Variants in ANGPTL4 observed in about 807,000 individuals in gnomAD.
ANGPTL4 encodes angiopoietin-related protein 4.
A neutral mutation model predicts 39.2 loss-of-function variants in ANGPTL4; 39 were observed. That is an observed-to-expected ratio of 1.00 (90% CI 0.77 to 1.30). ANGPTL4 has a LOEUF of 1.30. Among genes scored for constraint, ANGPTL4 ranks in the 50% most tolerant of loss-of-function variants. The probability of loss-of-function intolerance (pLI) is 0.00; values close to 1 mark genes in which losing one functional copy is unlikely to be tolerated. For missense variants in ANGPTL4, 545 were observed against 549.8 expected (o/e 0.99, Z 0.09); for synonymous variants, 233 against 229.5 (o/e 1.02, Z -0.14).
Position 8,371,265 on chromosome 19 carries a change from A to G in ANGPTL4, c.782A>G (p.Lys261Arg), listed in dbSNP as rs2145482683. 6.2e-7 allele frequency: 1 copy of G among 1,614,034 alleles called. No individual in the cohort carries two copies. The highest frequency in any genetic ancestry group is 2.2e-5 in the East Asian group (1 of 44,874). The change falls in exon 6 of 7, where the codon AAG (lysine) becomes AGG (arginine). Residue 261 changes from lysine to arginine, a missense_variant. Physicochemically the swap from Lys to Arg is conservative, Grantham distance 26. Coordinates refer to ENST00000301455, the MANE Select transcript of ANGPTL4 (RefSeq NM_139314.3). This position sits in a 1 kb window ranked among gnomAD's most constrained non-coding sequence, Gnocchi z 5.1. ...GGCGAGTTCTGGCTGGGTCTGGAGAAGGTGCATAGCATCACGGGGGACCGC... is the reference window on the plus strand; with the variant it reads ...GGCGAGTTCTGGCTGGGTCTGGAGAGGGTGCATAGCATCACGGGGGACCGC... ...PHGEFWLGLE[K>R]VHSITGDRNS...
In ANGPTL4 at chr19:8,364,410, C is replaced by G; in HGVS notation, c.89C>G (p.Ser30Cys). ...AGCGCTCAGGGCGGACCCGTGCAGTCCAAGTCGCCGCGCTTTGCGTCCTGG... is the reference window on the plus strand; with the variant it reads ...AGCGCTCAGGGCGGACCCGTGCAGTGCAAGTCGCCGCGCTTTGCGTCCTGG... ...LLSAQGGPVQSKSPRFASWDE... is the reference protein window; with the variant it reads ...LLSAQGGPVQCKSPRFASWDE... The change falls in exon 1 of 7, where the codon TCC becomes TGC. Residue 30 changes from serine (S) to cysteine (C), a missense_variant. By Grantham distance (112) the Ser-to-Cys change is moderately radical. Coordinates refer to ENST00000301455, the MANE Select transcript of ANGPTL4 (RefSeq NM_139314.3). The G allele has an allele frequency of 6.5e-7, 1 of 1,547,750 alleles. No homozygotes were observed. Among genetic ancestry groups the G allele is most frequent in the Non-Finnish European group, 8.7e-7 (1 of 1,149,560 alleles).
In ANGPTL4 at chr19:8,366,029, A is replaced by C; in HGVS notation, c.394A>C (p.Lys132Gln). The change falls in exon 2 of 7, where the codon AAG becomes CAG. Residue 132 changes from lysine (K) to glutamine (Q), a missense_variant. Physicochemically the swap from Lys to Gln is moderately conservative, Grantham distance 53. Transcript: ENST00000301455. The part of the protein sequence containing the change: ...KVAQQQRHLE[K>Q]QHLRIQHLQS... ...GGCCCAGCAGCAGCGGCACCTGGAG[A>C]AGCAGCACCTGCGAATTCAGCATCT... is the stretch of plus-strand genomic sequence containing the variant. 1.9e-6 allele frequency: 3 copies of C among 1,614,090 alleles called. No individual in the cohort carries two copies. The highest frequency in any genetic ancestry group is 2.5e-6 in the Non-Finnish European group (3 of 1,180,004).
rs1568213511 is a variant in ANGPTL4 at position 8,364,309 on chromosome 19, G to A, written c.-13G>A. ...AGAGTCCCCGAATCCCCGCTCCCAG[G>A]CTACCTAAGAGGATGAGCGGTGCTC... is the stretch of plus-strand genomic sequence containing the variant. On this transcript the variant is annotated 5_prime_UTR_variant, in exon 1 of 7. Transcript: ENST00000301455. The A allele has an allele frequency of 1.3e-6, 2 of 1,537,710 alleles. No individual in the cohort carries two copies. The highest frequency in any genetic ancestry group is 1.9e-5 in the Admixed American group (1 of 51,374).
chr19:8,365,880 G>T, intron 1 of ANGPTL4, 74 bp from the exon 2 acceptor site: 2 of 1,113,560 alleles, frequency 1.8e-6, no homozygotes, highest in Non-Finnish European at 2.7e-6. Flanking sequence ...GATTTGGAAG[G>T]ATGGATGAGT....
chr19:8,367,066 CTG>C (rs1363263796), intron 3 of ANGPTL4, among the ~76,000 whole-genome samples: 2 of 152,274 alleles, frequency 1.3e-5, no homozygotes, highest in East Asian at 3.9e-4. Context: ...TTCCCTGCAT[CTG>C]TGGCTGTCCA....
At chr19:8,367,631 A>AGTCTGGAGC (rs1289202547) in intron 3 of ANGPTL4, among the ~76,000 whole-genome samples, 51 of 151,748 alleles carry the variant, frequency 3.4e-4, no homozygotes, top group African/African-American at 1.2e-3. Context: ...GGTTCCTCCC[A>AGTCTGGAGC]GTCTGGAGCG....
chr19:8,369,780 C>T (rs1383621649), intron 4 of ANGPTL4, among the ~76,000 whole-genome samples: 1 of 152,008 alleles, frequency 6.6e-6, no homozygotes, highest in Non-Finnish European at 1.5e-5. Context: ...CAGCCCTTGT[C>T]TGGGTGTAGT....
chr19:8,372,467 C>T (rs1971141998), intron 6 of ANGPTL4, among the ~76,000 whole-genome samples: 1 of 139,194 alleles, frequency 7.2e-6, no homozygotes, highest in African/African-American at 2.7e-5. Flanking sequence ...GATCTCGGCT[C>T]ACTGCAACCT....
Position 8,373,845 on chromosome 19 carries a change from A to G in ANGPTL4, c.1180A>G (p.Thr394Ala). Residue 394 changes from threonine to alanine, a missense_variant, in exon 7 of 7, where the codon ACC becomes GCC. Transcript: ENST00000301455. ...RGRYYPLQAT[T>A]MLIQPMAAEA... ...CCGCTACTACCCGCTGCAGGCCACC[A>G]CCATGTTGATCCAGCCCATGGCAGC... 6.2e-7 allele frequency: 1 copy of G among 1,613,626 alleles called. No homozygotes were observed. The highest frequency in any genetic ancestry group is 8.5e-7 in the Non-Finnish European group (1 of 1,179,958).
intron 4 of ANGPTL4, among the ~76,000 whole-genome samples, chr19:8,370,450 C>T (rs994821623): frequency 6.6e-6 from 1 of 152,032 alleles, no homozygotes; most frequent in African/African-American, 2.4e-5. Flanking sequence ...CGGTGGCTTA[C>T]ACCTGAAATG....
chr19:8,373,903 G>A lies in ANGPTL4; in HGVS notation c.*17G>A. ...GCCTCCTAGCGTCCTGGCTGGGCCT[G>A]GTCCCAGGCCCACGAAAGACGGTGA... On this transcript the variant is annotated 3_prime_UTR_variant, in exon 7 of 7. Transcript: ENST00000301455. The A allele has an allele frequency of 3.1e-6, 5 of 1,611,806 alleles. No individual in the cohort carries two copies. Among genetic ancestry groups the A allele is most frequent in the Non-Finnish European group, 4.2e-6 (5 of 1,179,384 alleles).
At chr19:8,369,406 CA>C in intron 4 of ANGPTL4, 74 bp downstream of exon 4, 2 of 1,109,486 alleles carry the variant, frequency 1.8e-6, no homozygotes, top group South Asian at 1.3e-5. Flanking sequence ...GAAAACAAAA[CA>C]AAACAAAAAA....
intron 4 of ANGPTL4, among the ~76,000 whole-genome samples, chr19:8,369,546 C>T (rs182966593): frequency 1.3e-5 from 2 of 150,442 alleles, no homozygotes; most frequent in Admixed American, 6.7e-5. Context: ...CTCCGCCTCC[C>T]GGGTTCAAGC....
chr19:8,365,720 A>G (rs1196405836), intron 1 of ANGPTL4, among the ~76,000 whole-genome samples: 1 of 151,920 alleles, frequency 6.6e-6, no homozygotes, highest in Non-Finnish European at 1.5e-5. Flanking sequence ...AGGAGGCTGA[A>G]AACAGGAGGA....
rs893304607 is a variant in ANGPTL4, at chr19:8,374,001, T to C, written c.*115T>C. ...CTCCAAGGAGGGGCCATCTGGAAAC[T>C]TGTGGACAGAGAAGAAGACCACGAC... On this transcript the variant is annotated 3_prime_UTR_variant, in exon 7 of 7. Transcript: ENST00000301455. The C allele has an allele frequency of 4.1e-6, 5 of 1,213,198 alleles. No individual in the cohort carries two copies. The East Asian group carries it at 9.4e-5, about 23-fold the overall frequency. 75.2% of individuals were successfully genotyped at this position (1,213,198 alleles called of 1,614,324 possible). A position where few individuals can be genotyped will look rare whatever the true frequency, so the allele number is the denominator to read the frequency against.
In ANGPTL4 at chr19:8,364,650, C is replaced by A. The variant is rs1178778579; in HGVS notation, c.318+11C>A. 6.3e-7 allele frequency: 1 copy of A among 1,581,048 alleles called. No individual in the cohort carries two copies. Among genetic ancestry groups the A allele is most frequent in the East Asian group, 2.3e-5 (1 of 43,010 alleles). ...CTTCACAGCCTGCAGGTACGTGTCC[C>A]CAGGGCTGGTTCTCCGCGCCCCTAG... On this transcript the variant is annotated intron_variant, in intron 1 of 6. Transcript: ENST00000301455.
rs1347213145 is a variant in ANGPTL4 at position 8,364,240 on chromosome 19, C to T, written c.-82C>T. On this transcript the variant is annotated 5_prime_UTR_variant, in exon 1 of 7. Coordinates refer to ENST00000301455, the MANE Select transcript of ANGPTL4 (RefSeq NM_139314.3). The stretch of plus-strand genomic sequence containing the variant: ...CAACCAAGCGGGTCTTACCCCCGGT[C>T]CTCCGCGTCTCCAGTCCTCGCACCT... 1.4e-6 allele frequency: 2 copies of T among 1,409,010 alleles called. No homozygotes were observed. The highest frequency in any genetic ancestry group is 4.4e-5 in the Admixed American group (2 of 45,452). 87.3% of individuals were successfully genotyped at this position (1,409,010 alleles called of 1,614,324 possible). A position where few individuals can be genotyped will look rare whatever the true frequency, so the allele number is the denominator to read the frequency against.
chr19:8,368,163 C>A (rs1028139453), intron 3 of ANGPTL4, among the ~76,000 whole-genome samples: 1 of 151,984 alleles, frequency 6.6e-6, no homozygotes, highest in Non-Finnish European at 1.5e-5. Context: ...GGATTACTGG[C>A]GTCCACCATC....
At chr19:8,366,960 G>A (rs1179846109) in intron 3 of ANGPTL4, among the ~76,000 whole-genome samples, 3 of 141,260 alleles carry the variant, frequency 2.1e-5, no homozygotes, top group African/African-American at 5.2e-5. Flanking sequence ...CCAAATCTCC[G>A]TTCATCTCGA....
Sources: allele counts gnomAD v4.1 joint callset (sites outside exome capture counted in the v4.1 genomes callset), GRCh38; gene constraint gnomAD v4.1.1; non-coding constraint Gnocchi (gnomAD v3.1); transcripts MANE v1.5; gene names NCBI Gene and HGNC (gene_info 2026-07-23, HGNC 2026-07-21).